The following EPM2A variants were observed in gnomAD, a reference collection of about 807,000 sequenced individuals.
EPM2A encodes the protein EPM2A glucan phosphatase, laforin.
A neutral mutation model predicts 26.5 loss-of-function variants in EPM2A; 21 were observed. The ratio of observed to expected loss-of-function variants is 0.79; its 90% CI spans 0.56 to 1.14. EPM2A has a LOEUF of 1.14. EPM2A is among the 50% of genes most tolerant of loss of function. EPM2A has a pLI of 0.00. For synonymous variants in EPM2A, 217 were observed against 177.6 expected (o/e 1.22, Z -1.76); for missense variants, 458 against 440.8 (o/e 1.04, Z -0.35).
intron 2 of EPM2A, among the ~76,000 whole-genome samples, chr6:145,560,977 A>T (rs1780796400): frequency 6.6e-6 from 1 of 152,142 alleles, no homozygotes. Context: ...TACAGGGTGC[A>T]TCAATCTTAA....
chr6:145,428,926 A>T (rs917297057), intron 4 of EPM2A, among the ~76,000 whole-genome samples: 4 of 152,184 alleles, frequency 2.6e-5, no homozygotes, highest in Admixed American at 2.6e-4. Context: ...TTAGGGAAGA[A>T]TTTCTTTCAA....
chr6:145,383,788 G>A (rs994590049), exon 5 of EPM2A: 1 of 152,192 alleles, frequency 6.6e-6, no homozygotes, highest in African/African-American at 2.4e-5. Context: ...CTTTTGTCTA[G>A]TCAAAATATC....
intron 4 of EPM2A, among the ~76,000 whole-genome samples, chr6:145,428,081 T>G (rs1582747425): frequency 6.7e-6 from 1 of 150,024 alleles, no homozygotes; most frequent in Non-Finnish European, 1.5e-5. Flanking sequence ...GATAGTTTTT[T>G]TTTTTTTTTT....
intron 1 of EPM2A, among the ~76,000 whole-genome samples, chr6:145,688,513 G>A (rs985914871): frequency 1.6e-4 from 25 of 152,112 alleles, no homozygotes; most frequent in African/African-American, 6.0e-4. Context: ...TGGCAATGTT[G>A]GGTTTGGAGT....
intron 2 of EPM2A, among the ~76,000 whole-genome samples, chr6:145,506,037 C>T (rs1779967921): frequency 1.3e-5 from 2 of 152,164 alleles, no homozygotes; most frequent in Non-Finnish European, 2.9e-5. Context: ...TTGAGCTCTA[C>T]TCTGAAATGC....
rs9322032 is a variant in EPM2A, at chr6:145,710,819, T to C, written c.301+24379A>G. Among the ~76,000 whole-genome samples the C allele has an allele frequency of 5.3e-3, 798 of 151,876 alleles. 4 individuals carry two copies. The highest frequency in any genetic ancestry group is 0.018 in the African/African-American group (764 of 41,416). Reference sequence around the variant, plus strand: ...AAAAATAATGAGTTCATGTCCTTTGTAGTGACATAGATGAAGCTGGAAATC... The same window carrying C: ...AAAAATAATGAGTTCATGTCCTTTGCAGTGACATAGATGAAGCTGGAAATC... On this transcript the variant is annotated intron_variant, in intron 1 of 3. Coordinates refer to ENST00000367519, the MANE Select transcript of EPM2A (RefSeq NM_005670.4).
chr6:145,700,578 A>C (rs1167748075), intron 1 of EPM2A, among the ~76,000 whole-genome samples: 1 of 152,176 alleles, frequency 6.6e-6, no homozygotes, highest in East Asian at 1.9e-4. Flanking sequence ...ATCTTTGTGC[A>C]CTTAAATATA....
At chr6:145,717,585 C>A (rs1287790500) in intron 1 of EPM2A, among the ~76,000 whole-genome samples, 1 of 152,166 alleles carries the variant, frequency 6.6e-6, no homozygotes, top group Non-Finnish European at 1.5e-5. Context: ...TCTCACCGCT[C>A]CTATTCAACA....
intron 2 of EPM2A, among the ~76,000 whole-genome samples, chr6:145,594,734 A>G (rs1345626502): frequency 6.6e-6 from 1 of 151,922 alleles, no homozygotes; most frequent in Non-Finnish European, 1.5e-5. Flanking sequence ...AATTTCAATG[A>G]ATATTTTAAA....
At chr6:145,389,607 C>T (rs1182294888) in intron 4 of EPM2A, among the ~76,000 whole-genome samples, 1 of 152,244 alleles carries the variant, frequency 6.6e-6, no homozygotes, top group Non-Finnish European at 1.5e-5. Flanking sequence ...TATTTTCATA[C>T]TGCAAGTGCC....
intron 2 of EPM2A, among the ~76,000 whole-genome samples, chr6:145,567,107 A>G (rs1022944933): frequency 1.3e-5 from 2 of 152,182 alleles, no homozygotes; most frequent in Non-Finnish European, 2.9e-5. Flanking sequence ...TGCAGCAGGA[A>G]GACCCTCAGC....
intron 4 of EPM2A, among the ~76,000 whole-genome samples, chr6:145,438,469 ATTTTTTTTTTT>A (rs68038397): frequency 4.3e-5 from 5 of 117,234 alleles, no homozygotes; most frequent in African/African-American, 1.5e-4. Flanking sequence ...GAAGGGAATA[ATTTTTTTTTTT>A]TTTTTTTTTT....
At chr6:145,423,931 G>A (rs137974839) in intron 4 of EPM2A, among the ~76,000 whole-genome samples, 6 of 152,294 alleles carry the variant, frequency 3.9e-5, no homozygotes, top group African/African-American at 9.6e-5. Flanking sequence ...TATTGGGCTG[G>A]GGACAAAGTA....
intron 2 of EPM2A, among the ~76,000 whole-genome samples, chr6:145,651,493 A>C (rs1382685662): frequency 6.6e-6 from 1 of 152,148 alleles, no homozygotes; most frequent in African/African-American, 2.4e-5. Context: ...TATCAATGTA[A>C]AGGAAGCTGG....
chr6:145,660,067 T>A (rs889362729), intron 2 of EPM2A, among the ~76,000 whole-genome samples: 2 of 152,190 alleles, frequency 1.3e-5, no homozygotes, highest in Admixed American at 6.5e-5. Flanking sequence ...TTAATTTTTC[T>A]GAAAAATTAT....
intron 4 of EPM2A, among the ~76,000 whole-genome samples, chr6:145,484,986 TTA>T (rs1333774991): frequency 2.9e-5 from 3 of 104,976 alleles, no homozygotes; most frequent in Non-Finnish European, 4.0e-5. Flanking sequence ...ATTAATGACA[TTA>T]AAATATATAT....
At chr6:145,530,764 G>C (rs1780342192) in intron 2 of EPM2A, among the ~76,000 whole-genome samples, 1 of 152,142 alleles carries the variant, frequency 6.6e-6, no homozygotes, top group African/African-American at 2.4e-5. Context: ...AATAAAATGT[G>C]ATAAATATTA....
At chr6:145,729,185 G>A (rs978786292) in intron 1 of EPM2A, among the ~76,000 whole-genome samples, 2 of 152,200 alleles carry the variant, frequency 1.3e-5, no homozygotes, top group South Asian at 2.1e-4. Context: ...TGCAGCAGCA[G>A]AGCCCTCAGT....
intron 4 of EPM2A, among the ~76,000 whole-genome samples, chr6:145,453,552 T>C (rs962982601): frequency 6.6e-6 from 1 of 152,162 alleles, no homozygotes; most frequent in Middle Eastern, 3.2e-3. Context: ...AACTTGACCC[T>C]GGTGTTCCTT....
Sources: allele counts gnomAD v4.1 joint callset (sites outside exome capture counted in the v4.1 genomes callset), GRCh38; gene constraint gnomAD v4.1.1; transcripts MANE v1.5; gene names NCBI Gene and HGNC (gene_info 2026-07-23, HGNC 2026-07-21).